The following TULP4 variants were observed in gnomAD, a reference collection of about 807,000 sequenced individuals.
TULP4 encodes tubby-related protein 4.
In TULP4, 16 loss-of-function variants were observed where a neutral mutation model predicts 129.0. The observed-to-expected ratio is 0.12, with a 90% confidence interval of 0.08 to 0.19. The LOEUF (loss-of-function observed/expected upper bound fraction) is 0.19, where lower values mean the gene tolerates loss of function less well. Among genes scored for constraint, TULP4 ranks in the 10% least tolerant of loss-of-function variants. The probability of loss-of-function intolerance (pLI) is 1.00; values close to 1 mark genes in which losing one functional copy is unlikely to be tolerated. For synonymous variants in TULP4, 998 were observed against 854.0 expected (o/e 1.17, Z -2.94); for missense variants, 1,842 against 2,059.1 (o/e 0.89, Z 2.04).
intron 11 of TULP4, 119 bp from the exon 12 acceptor site, chr6:158,498,550 C>A: frequency 7.8e-7 from 1 of 1,290,020 alleles, no homozygotes; most frequent in Non-Finnish European, 1.1e-6. Context: ...CCTGCCTACA[C>A]AGATCTGTCT....
rs530905348 is a variant in TULP4, at chr6:158,495,624, C to T, written c.1870+778C>T. On this transcript the variant is annotated intron_variant, in intron 11 of 13. Coordinates refer to ENST00000367097, the MANE Select transcript of TULP4 (RefSeq NM_020245.5). The stretch of plus-strand genomic sequence containing the variant: ...TTGGGAATACAAGGTTGGCAGATCA[C>T]CTGAGTTTGGGAGTTTGAGACCAGC... 1.4e-3 allele frequency among the ~76,000 whole-genome samples: 214 copies of T among 152,288 alleles called. 1 individual carries two copies. Among genetic ancestry groups the T allele is most frequent in the African/African-American group, 4.8e-3 (201 of 41,556 alleles).
intron 1 of TULP4, among the ~76,000 whole-genome samples, chr6:158,319,371 T>G (rs1447259223): frequency 6.6e-6 from 1 of 152,078 alleles, no homozygotes; most frequent in Non-Finnish European, 1.5e-5. Context: ...TTTATTTAAT[T>G]TGGTTTTTCA....
Position 158,423,226 on chromosome 6 carries a change from C to A in TULP4, c.382-6510C>A, listed in dbSNP as rs765152465. ...GTGTAAAAGCTAAACCTCTAGAAGT[C>A]TTTGCAGCCTGGGGCTAAATAAAGA... On this transcript the variant is annotated intron_variant, in intron 2 of 13. Transcript: ENST00000367097. 1.8e-4 allele frequency among the ~76,000 whole-genome samples: 27 copies of A among 151,660 alleles called. 1 individual carries two copies. The highest frequency in any genetic ancestry group is 1.4e-3 in the Admixed American group (22 of 15,196).
At chr6:158,314,748 A>G (rs543792534) in intron 1 of TULP4, among the ~76,000 whole-genome samples, 1 of 152,334 alleles carries the variant, frequency 6.6e-6, no homozygotes, top group South Asian at 2.1e-4. Context: ...ATGGCTTAAC[A>G]CTTGGCTTGT....
chr6:158,368,136 T>C (rs1168249759), intron 1 of TULP4, among the ~76,000 whole-genome samples: 1 of 151,212 alleles, frequency 6.6e-6, no homozygotes, highest in Non-Finnish European at 1.5e-5. Flanking sequence ...ACATTTGAGC[T>C]TTCCGTAAAT....
At chr6:158,349,999 T>A (rs1487540849) in intron 1 of TULP4, among the ~76,000 whole-genome samples, 1 of 140,472 alleles carries the variant, frequency 7.1e-6, no homozygotes. Flanking sequence ...GCAGAGGCGC[T>A]CCTCACTTCC....
At chr6:158,285,141 C>T (rs548284489) in intron 1 of TULP4, among the ~76,000 whole-genome samples, 3 of 152,162 alleles carry the variant, frequency 2.0e-5, no homozygotes, top group Middle Eastern at 3.2e-3. Flanking sequence ...ATTTCCCCTT[C>T]CTAACAGATT....
At chr6:158,395,843 T>G (rs697505) in intron 1 of TULP4, among the ~76,000 whole-genome samples, 27,545 of 152,064 alleles carry the variant, frequency 0.18, 3,160 homozygotes, top group South Asian at 0.3. Flanking sequence ...CCTCAAAGTT[T>G]AGAAGTCTGT....
chr6:158,451,504 A>G (rs1779161623), intron 4 of TULP4, among the ~76,000 whole-genome samples: 1 of 152,186 alleles, frequency 6.6e-6, no homozygotes. Context: ...GTGAAAGACC[A>G]AGTCCATGGT....
chr6:158,376,172 G>C (rs987461242), intron 1 of TULP4, among the ~76,000 whole-genome samples: 3 of 152,158 alleles, frequency 2.0e-5, no homozygotes, highest in Non-Finnish European at 4.4e-5. Context: ...TGGATAGCAC[G>C]TCACTCCAGA....
At chr6:158,284,849 AG>A (rs1778809934) in intron 1 of TULP4, among the ~76,000 whole-genome samples, 1 of 152,078 alleles carries the variant, frequency 6.6e-6, no homozygotes, top group African/African-American at 2.4e-5. Flanking sequence ...CCGAGGTGTG[AG>A]CCTCGGTTTC....
At chr6:158,304,383 G>A (rs1169502672) in intron 1 of TULP4, among the ~76,000 whole-genome samples, 2 of 152,100 alleles carry the variant, frequency 1.3e-5, no homozygotes, top group African/African-American at 4.8e-5. Context: ...GTTTTGTACT[G>A]ATATACAGGA....
intron 1 of TULP4, among the ~76,000 whole-genome samples, chr6:158,244,521 C>T (rs1463476397): frequency 2.0e-5 from 3 of 152,184 alleles, no homozygotes; most frequent in Admixed American, 1.3e-4. Context: ...GTGGGGCCTT[C>T]ATATGGGCTT....
chr6:158,487,218 C>T (rs568237087), intron 8 of TULP4, among the ~76,000 whole-genome samples: 61 of 151,996 alleles, frequency 4.0e-4, no homozygotes, highest in Non-Finnish European at 7.9e-4. Flanking sequence ...TAGATTGCAC[C>T]ACTGCACTCC....
intron 2 of TULP4, among the ~76,000 whole-genome samples, chr6:158,427,267 A>C (rs990408519): frequency 2.0e-5 from 3 of 152,142 alleles, no homozygotes; most frequent in African/African-American, 7.2e-5. Context: ...AAAATTCTAG[A>C]ATGAACAACC....
rs201770835 is a variant in TULP4, at chr6:158,449,154, A to C, written c.702A>C (p.Ser234=). 11 of 1,613,356 alleles carry C rather than the reference A, an allele frequency of 6.8e-6. No homozygotes were observed. Among genetic ancestry groups the C allele is most frequent in the Non-Finnish European group, 1.7e-6 (2 of 1,179,760 alleles). ...ACAGCAGCGAGAGCGACACGGACTC[A>C]GATGACTACGCCCCTCCCCAAGGTA... ...VEDSSESDTD[S]DDYAPPQDGP... is the part of the protein sequence containing the mutation. The change falls in exon 4 of 14, where the codon TCA becomes TCC. Residue 234 remains serine (S), a synonymous_variant. Transcript: ENST00000367097.
chr6:158,429,714 C>G (rs371450250), intron 2 of TULP4, 22 bp from the exon 3 acceptor site: 248 of 1,597,854 alleles, frequency 1.6e-4, no homozygotes, highest in Non-Finnish European at 2.1e-4. Flanking sequence ...CAAATTGACT[C>G]TTTTCTGTGT....
chr6:158,438,565 C>CTGTTTGTT (rs1562566070), intron 3 of TULP4, among the ~76,000 whole-genome samples: 1 of 122,518 alleles, frequency 8.2e-6, no homozygotes, highest in Admixed American at 9.2e-5. Context: ...AAAAACACCA[C>CTGTTTGTT]AGTTTGTTTG....
chr6:158,506,296 A>G (rs1562597220), intron 13 of TULP4, among the ~76,000 whole-genome samples: 1 of 125,438 alleles, frequency 8.0e-6, no homozygotes, highest in South Asian at 2.7e-4. Flanking sequence ...CAGTGGCCCA[A>G]TCTCAGCTCA....
Sources: gnomAD v4.1 joint callset for allele counts (sites outside exome capture counted in the v4.1 genomes callset) on GRCh38, gnomAD v4.1.1 for gene constraint, MANE v1.5 for transcripts, NCBI Gene and HGNC (gene_info 2026-07-23, HGNC 2026-07-21) for gene names.